The following SLC4A10 variants were observed in gnomAD, a reference collection of about 807,000 sequenced individuals.
SLC4A10 encodes sodium-driven chloride bicarbonate exchanger.
Under a neutral mutation model 137.7 loss-of-function variants are expected in SLC4A10, and 42 were observed. The observed-to-expected ratio is 0.30, with a 90% CI of 0.24 to 0.39. The LOEUF is 0.39. Ranked by LOEUF, SLC4A10 falls within the 10% of genes least tolerant of loss-of-function variation. The pLI, the probability that SLC4A10 is intolerant of heterozygous loss-of-function variation, is 1.00. For missense variants in SLC4A10, 925 were observed against 1,355.0 expected (o/e 0.68, Z 4.98); for synonymous variants, 474 against 464.1 (o/e 1.02, Z -0.27).
chr2:161,910,940 C>T (rs1378469215), intron 15 of SLC4A10, among the ~76,000 whole-genome samples: 1 of 151,526 alleles, frequency 6.6e-6, no homozygotes, highest in Non-Finnish European at 1.5e-5. Flanking sequence ...CTCCCGTAGT[C>T]CCAGCATAAT....
At chr2:161,963,691 G>C (rs1697115177) in intron 21 of SLC4A10, among the ~76,000 whole-genome samples, 2 of 152,118 alleles carry the variant, frequency 1.3e-5, no homozygotes, top group Non-Finnish European at 2.9e-5. Flanking sequence ...TAGCAAGTCT[G>C]TGAAAGTCAA....
chr2:161,977,089 ACAATG>A (rs1321902963), intron 25 of SLC4A10, among the ~76,000 whole-genome samples: 1 of 152,084 alleles, frequency 6.6e-6, no homozygotes, highest in African/African-American at 2.4e-5. Flanking sequence ...GAAATGAGTC[ACAATG>A]CATGACATTT....
chr2:161,924,758 G>A (rs937213757), intron 15 of SLC4A10, among the ~76,000 whole-genome samples: 4 of 152,026 alleles, frequency 2.6e-5, no homozygotes, highest in African/African-American at 4.8e-5. Context: ...AAAAAGTCAC[G>A]GTTAAAATGT....
intron 3 of SLC4A10, among the ~76,000 whole-genome samples, chr2:161,838,118 A>C (rs1396754897): frequency 6.6e-6 from 1 of 152,236 alleles, no homozygotes; most frequent in African/African-American, 2.4e-5. Flanking sequence ...GCCTAGATCA[A>C]TGGGACATTT....
intron 1 of SLC4A10, among the ~76,000 whole-genome samples, chr2:161,734,897 C>A (rs1384366055): frequency 6.6e-6 from 1 of 152,000 alleles, no homozygotes; most frequent in Non-Finnish European, 1.5e-5. Context: ...TGGTTTCCCA[C>A]ATACTCTTCT....
At chr2:161,776,519 A>C (rs2052354505) in intron 2 of SLC4A10, among the ~76,000 whole-genome samples, 1 of 151,854 alleles carries the variant, frequency 6.6e-6, no homozygotes, top group African/African-American at 2.4e-5. Flanking sequence ...TTTCAGTCAC[A>C]TTGTGGCATG....
At chr2:161,861,085 T>A (rs1425107053) in intron 5 of SLC4A10, among the ~76,000 whole-genome samples, 1 of 152,226 alleles carries the variant, frequency 6.6e-6, no homozygotes, top group Non-Finnish European at 1.5e-5. Context: ...AGAGATCATA[T>A]GGCCTACAAT....
In SLC4A10 at chr2:161,883,809, T is replaced by C. The variant is rs147080450; in HGVS notation, c.1194+1365T>C. ...CTCTGTGTGTCTTCTTATTTTCTGTTATGAAGACAGACATTTGTCATTTGA... is the reference window on the plus strand; with the variant it reads ...CTCTGTGTGTCTTCTTATTTTCTGTCATGAAGACAGACATTTGTCATTTGA... On this transcript the variant is annotated intron_variant, in intron 10 of 26. Transcript: ENST00000446997. 2.6e-3 allele frequency among the ~76,000 whole-genome samples: 396 copies of C among 152,294 alleles called. 1 individual carries two copies. The highest frequency in any genetic ancestry group is 4.5e-3 in the Non-Finnish European group (307 of 68,030).
At chr2:161,907,510 G>A (rs1473014255) in intron 15 of SLC4A10, among the ~76,000 whole-genome samples, 1 of 152,192 alleles carries the variant, frequency 6.6e-6, no homozygotes, top group Non-Finnish European at 1.5e-5. Flanking sequence ...TGTCCTCAGT[G>A]AGCTTCCAGT....
chr2:161,934,146 T>G (rs1445187355), intron 15 of SLC4A10, among the ~76,000 whole-genome samples: 5 of 152,230 alleles, frequency 3.3e-5, no homozygotes, highest in African/African-American at 1.2e-4. Flanking sequence ...GCGTTTGTTC[T>G]TTCTTTCTGT....
At position 161,797,191 on chromosome 2, in the gene SLC4A10, G is replaced by T. The variant is rs370865157; in HGVS notation, c.131-7258G>T. ...AAAAATATATGCTCTATCTCATCTT[G>T]CCTTTTCTTCCCTGCTCTAATATGA... On this transcript the variant is annotated intron_variant, in intron 2 of 26. Transcript: ENST00000446997. Among the ~76,000 whole-genome samples the T allele has an allele frequency of 3.9e-5, 6 of 151,994 alleles. No individual in the cohort carries two copies. The East Asian group carries it at 1.2e-3, about 29-fold the overall frequency.
intron 8 of SLC4A10, among the ~76,000 whole-genome samples, chr2:161,878,521 T>G (rs893880512): frequency 6.6e-6 from 1 of 152,202 alleles, no homozygotes; most frequent in Non-Finnish European, 1.5e-5. Flanking sequence ...AGCTCTTCAG[T>G]AACTCCAAAT....
chr2:161,927,056 G>C (rs1689285224), intron 15 of SLC4A10, among the ~76,000 whole-genome samples: 1 of 152,122 alleles, frequency 6.6e-6, no homozygotes, highest in Non-Finnish European at 1.5e-5. Context: ...GTATTCTCGA[G>C]GAGTATCTTT....
chr2:161,901,172 G>A (rs1683028512), intron 12 of SLC4A10, 161 bp downstream of exon 12: 3 of 627,386 alleles, frequency 4.8e-6, no homozygotes, highest in East Asian at 5.7e-5. Context: ...AGTTACTAAT[G>A]ATTGTCATTA....
At chr2:161,937,790 A>T (rs182914324) in intron 15 of SLC4A10, among the ~76,000 whole-genome samples, 1 of 152,166 alleles carries the variant, frequency 6.6e-6, no homozygotes, top group Non-Finnish European at 1.5e-5. Context: ...AACATGTGGA[A>T]CAAAACTTAC....
chr2:161,767,352 A>G (rs2051021369), intron 1 of SLC4A10, among the ~76,000 whole-genome samples: 1 of 150,790 alleles, frequency 6.6e-6, no homozygotes, highest in South Asian at 2.1e-4. Flanking sequence ...ACACCTGACT[A>G]TAACTTCTTG....
intron 15 of SLC4A10, among the ~76,000 whole-genome samples, chr2:161,910,340 A>G (rs919527801): frequency 8.5e-5 from 13 of 152,166 alleles, no homozygotes; most frequent in Non-Finnish European, 1.8e-4. Context: ...TGTCAAGATC[A>G]TCTATTTAGT....
At chr2:161,762,522 G>T (rs2125367684) in intron 1 of SLC4A10, among the ~76,000 whole-genome samples, 1 of 152,114 alleles carries the variant, frequency 6.6e-6, no homozygotes, top group South Asian at 2.1e-4. Flanking sequence ...ATGAACAAAT[G>T]GAATGACTCT....
intron 1 of SLC4A10, among the ~76,000 whole-genome samples, chr2:161,729,565 A>G (rs1049630027): frequency 9.2e-5 from 14 of 152,190 alleles, no homozygotes; most frequent in Non-Finnish European, 1.6e-4. Flanking sequence ...AAGATGCACT[A>G]TAATAGTAAT....
Sources: gnomAD v4.1 joint callset for allele counts (sites outside exome capture counted in the v4.1 genomes callset) on GRCh38, gnomAD v4.1.1 for gene constraint, MANE v1.5 for transcripts, NCBI Gene and HGNC (gene_info 2026-07-23, HGNC 2026-07-21) for gene names.